The following SOD2 variants were observed in gnomAD, a reference collection of about 807,000 sequenced individuals.
SOD2 encodes the protein superoxide dismutase 2, also known as superoxide dismutase [Mn], mitochondrial.
In SOD2, 11 loss-of-function variants were observed where a neutral mutation model predicts 27.0. That is an observed-to-expected ratio of 0.41 (90% confidence interval 0.26 to 0.67). The LOEUF (loss-of-function observed/expected upper bound fraction) is 0.67, where lower values mean the gene tolerates loss of function less well. Ranked by LOEUF, SOD2 falls within the 30% of genes least tolerant of loss-of-function variation. The probability of loss-of-function intolerance (pLI) is 0.34; values close to 1 mark genes in which losing one functional copy is unlikely to be tolerated. For missense variants in SOD2, 250 were observed against 274.5 expected, an observed-to-expected ratio of 0.91 and a Z score of 0.63; for synonymous variants, 105 against 103.0, an observed-to-expected ratio of 1.02 and a Z score of -0.12.
chr6:159,689,264 T>C (rs942259540), intron 2 of SOD2, among the ~76,000 whole-genome samples: 1 of 152,192 alleles, frequency 6.6e-6, no homozygotes, highest in Non-Finnish European at 1.5e-5. Context: ...TCATGCTGCG[T>C]TCCTGTTCCT....
intron 1 of SOD2, among the ~76,000 whole-genome samples, chr6:159,703,865 G>A (rs1274318615): frequency 6.6e-6 from 1 of 152,194 alleles, no homozygotes; most frequent in African/African-American, 2.4e-5. Flanking sequence ...ACTGAACTTT[G>A]TTATGTCCTA....
At position 159,674,999 on chromosome 6, in the gene SOD2, T is replaced by C. The variant is rs890370302; in HGVS notation, c.*7494A>G. 2.0e-5 allele frequency: 3 copies of C among 152,076 alleles called. No individual in the cohort carries two copies. Among genetic ancestry groups the C allele is most frequent in the Non-Finnish European group, 4.4e-5 (3 of 68,028 alleles). The allele number at this position is 152,076 out of a possible 1,614,324, so 9.4% of individuals were successfully genotyped here. A position where few individuals can be genotyped will look rare whatever the true frequency, so the allele number is the denominator to read the frequency against. On this transcript the variant is annotated 3_prime_UTR_variant, in exon 5 of 5. Transcript: ENST00000538183. ...TCATGAGTGAACTCCCATTCACAAC[T>C]GCCTCAAAGAGAATAAAATACCTAG...
upstream of SOD2, among the ~76,000 whole-genome samples, chr6:159,729,218 G>A (rs1251596974): frequency 6.6e-6 from 1 of 152,180 alleles, no homozygotes; most frequent in East Asian, 1.9e-4. Context: ...TGATCATTAT[G>A]TATTTGCTTC....
At chr6:159,757,584 TG>T (rs1452270942) in intron 1 of SOD2, among the ~76,000 whole-genome samples, 1 of 152,034 alleles carries the variant, frequency 6.6e-6, no homozygotes, top group Non-Finnish European at 1.5e-5. Flanking sequence ...GGCTTATTTT[TG>T]TATTTTTAGA....
intron 1 of SOD2, among the ~76,000 whole-genome samples, chr6:159,757,284 G>A (rs754199512): frequency 6.6e-6 from 1 of 152,160 alleles, no homozygotes; most frequent in African/African-American, 2.4e-5. Flanking sequence ...TATAATACTC[G>A]AAAACTGAGG....
chr6:159,726,615 C>T (rs1432010949), intron 1 of SOD2: 1 of 408,602 alleles, frequency 2.4e-6, no homozygotes, highest in East Asian at 7.5e-5. Flanking sequence ...GGAGTCTACT[C>T]CACTTGCAGG....
At chr6:159,712,411 AT>A (rs1777827281) in intron 1 of SOD2, among the ~76,000 whole-genome samples, 1 of 91,378 alleles carries the variant, frequency 1.1e-5, no homozygotes, top group Non-Finnish European at 2.5e-5. Context: ...CACTGCTCTG[AT>A]CACCATAACC....
At chr6:159,749,150 A>G, upstream of SOD2, 2 of 986,024 alleles carry the variant, frequency 2.0e-6, no homozygotes, top group Non-Finnish European at 2.4e-6. Flanking sequence ...TGAGGACTGT[A>G]CAAACATGAA....
chr6:159,729,098 G>T (rs1778407178), upstream of SOD2, among the ~76,000 whole-genome samples: 1 of 152,188 alleles, frequency 6.6e-6, no homozygotes, highest in African/African-American at 2.4e-5. Context: ...AAAGCCCTGT[G>T]ATGTGGAGAT....
chr6:159,684,341 G>A (rs1368382141), intron 4 of SOD2, among the ~76,000 whole-genome samples: 2 of 152,026 alleles, frequency 1.3e-5, no homozygotes, highest in Admixed American at 1.3e-4. Context: ...CATTTGGCTG[G>A]GCATGGTGGC....
intron 1 of SOD2, among the ~76,000 whole-genome samples, chr6:159,717,183 C>T (rs1777935268): frequency 6.6e-6 from 1 of 152,160 alleles, no homozygotes; most frequent in Non-Finnish European, 1.5e-5. Flanking sequence ...CTCTGAGCTA[C>T]CCATACCTCT....
intron 1 of SOD2, among the ~76,000 whole-genome samples, chr6:159,709,197 T>C (rs1304633062): frequency 1.3e-5 from 2 of 152,150 alleles, no homozygotes; most frequent in Non-Finnish European, 2.9e-5. Context: ...ATTCAGGACA[T>C]AGGCATGGGC....
chr6:159,726,907 T>C, intron 1 of SOD2: 3 of 1,288,972 alleles, frequency 2.3e-6, no homozygotes, highest in Non-Finnish European at 3.0e-6. Context: ...GGCCTCTCTC[T>C]TGAGGTGGCA....
chr6:159,718,764 A>G (rs1314978846), intron 1 of SOD2, among the ~76,000 whole-genome samples: 2 of 152,164 alleles, frequency 1.3e-5, no homozygotes, highest in African/African-American at 4.8e-5. Flanking sequence ...AAGGTAAATA[A>G]ATAATGTGTC....
chr6:159,744,278 A>G (rs1220216064), intron 1 of SOD2, among the ~76,000 whole-genome samples: 1 of 152,214 alleles, frequency 6.6e-6, no homozygotes, highest in Admixed American at 6.5e-5. Context: ...ATGTCTACGT[A>G]GATCTGAAAT....
At chr6:159,707,286 G>C (rs1777645478) in intron 1 of SOD2, among the ~76,000 whole-genome samples, 1 of 152,066 alleles carries the variant, frequency 6.6e-6, no homozygotes, top group Non-Finnish European at 1.5e-5. Context: ...AACTGAAGGA[G>C]ACAGAGACAC....
chr6:159,722,803 A>G (rs1270799817), intron 1 of SOD2, among the ~76,000 whole-genome samples: 1 of 152,232 alleles, frequency 6.6e-6, no homozygotes, highest in Non-Finnish European at 1.5e-5. Context: ...CAAACCTGCT[A>G]TCAACCAGAC....
chr6:159,682,507 C>A lies in SOD2; in HGVS notation c.655G>T (p.Ala219Ser). ...NWENVTERYM[A>S]CKK ...ACGATCGTGGTTTACTTTTTGCAAGCCATGTATCTTTCAGTTACATTCTCC... is the reference window on the plus strand; with the variant it reads ...ACGATCGTGGTTTACTTTTTGCAAGACATGTATCTTTCAGTTACATTCTCC... The change falls in exon 5 of 5, where the codon GCT becomes TCT. Residue 219 changes from alanine (A) to serine (S), a missense_variant. Ala to Ser is a moderately conservative substitution (Grantham distance 99, BLOSUM62 1). Coordinates refer to ENST00000538183, the MANE Select transcript of SOD2 (RefSeq NM_000636.4). 6.2e-7 allele frequency: 1 copy of A among 1,613,152 alleles called. No individual in the cohort carries two copies. Among genetic ancestry groups the A allele is most frequent in the Non-Finnish European group, 8.5e-7 (1 of 1,179,654 alleles).
intron 1 of SOD2, among the ~76,000 whole-genome samples, chr6:159,758,469 C>G (rs918011657): frequency 5.3e-5 from 8 of 152,172 alleles, no homozygotes; most frequent in Non-Finnish European, 7.3e-5. Context: ...GACACTTTTG[C>G]AAAACAATGT....
Sources: allele counts gnomAD v4.1 joint callset (sites outside exome capture counted in the v4.1 genomes callset), GRCh38; gene constraint gnomAD v4.1.1; transcripts MANE v1.5; gene names NCBI Gene and HGNC (gene_info 2026-07-23, HGNC 2026-07-21).